ADGRV1: variants seen among roughly 807,000 people sequenced by gnomAD.
ADGRV1 encodes the protein G-protein coupled receptor 98.
ADGRV1 carries 359 observed loss-of-function variants against 596.2 expected under a neutral mutation model. The observed-to-expected ratio is 0.60, with a 90% CI of 0.55 to 0.66. The LOEUF is 0.66. ADGRV1 is among the 30% of genes least tolerant of loss of function. The pLI is 0.00. For synonymous variants in ADGRV1, 2,681 were observed against 2,679.2 expected, an observed-to-expected ratio of 1.00 and a Z score of -0.02; for missense variants, 7,274 against 7,575.6, an observed-to-expected ratio of 0.96 and a Z score of 1.48.
intron 53 of ADGRV1, 77 bp downstream of exon 53, chr5:90,750,774 A>G (rs1172933918): frequency 9.0e-7 from 1 of 1,113,622 alleles, no homozygotes; most frequent in African/African-American, 1.5e-5. Flanking sequence ...ATCCTGCCTT[A>G]TGGATGAAGT....
chr5:91,069,377 T>C (rs1354902837), intron 85 of ADGRV1, among the ~76,000 whole-genome samples: 1 of 152,088 alleles, frequency 6.6e-6, no homozygotes, highest in East Asian at 1.9e-4. Context: ...AGGTCTAATA[T>C]CCAGAATGTA....
At chr5:90,655,206 C>T (rs1769228988) in intron 20 of ADGRV1, 2 of 152,286 alleles carry the variant, frequency 1.3e-5, no homozygotes, top group South Asian at 2.1e-4. Context: ...CAGTTGCTAA[C>T]TCACCACCCT....
chr5:91,006,772 A>G (rs1386949580), intron 85 of ADGRV1, among the ~76,000 whole-genome samples: 1 of 147,108 alleles, frequency 6.8e-6, no homozygotes, highest in African/African-American at 2.6e-5. Flanking sequence ...AAAAAGAGAA[A>G]TACGGGTATG....
At chr5:91,163,269 A>T (rs954290092) in intron 89 of ADGRV1, among the ~76,000 whole-genome samples, 2 of 152,190 alleles carry the variant, frequency 1.3e-5, no homozygotes, top group Non-Finnish European at 2.9e-5. Context: ...GATCTGAATC[A>T]TTCAAAGCCA....
At chr5:91,032,914 G>A (rs1784592677) in intron 85 of ADGRV1, among the ~76,000 whole-genome samples, 1 of 152,042 alleles carries the variant, frequency 6.6e-6, no homozygotes, top group Admixed American at 6.6e-5. Flanking sequence ...TTCTGCTGTG[G>A]CATTTCCTGG....
intron 84 of ADGRV1, among the ~76,000 whole-genome samples, chr5:90,983,367 A>C (rs1304731397): frequency 6.6e-6 from 1 of 152,174 alleles, no homozygotes; most frequent in African/African-American, 2.4e-5. Context: ...AAAAGCAGAC[A>C]TTTTGAAAAT....
In ADGRV1 at chr5:91,150,054, T is replaced by A. The variant is rs1398863208; in HGVS notation, c.18457T>A (p.Phe6153Ile). The change falls in exon 88 of 90, where the codon TTC (phenylalanine) becomes ATC (isoleucine). Residue 6153 changes from phenylalanine to isoleucine, a missense_variant. This residue lies in a region of ADGRV1 where 1,874 missense variants were observed against 1,970.2 expected (regional missense o/e 0.95). Coordinates refer to ENST00000405460, the MANE Select transcript of ADGRV1 (RefSeq NM_032119.4). The stretch of plus-strand genomic sequence containing the variant: ...GGGACTTTATGTTTTCATGGTTTAT[T>A]TCATTTTACACAACCAAATGTGTTG... ...LQGLYVFMVY[F>I]ILHNQMCCPM... The A allele has an allele frequency of 6.5e-7, 1 of 1,547,104 alleles. No homozygotes were observed.
intron 76 of ADGRV1, among the ~76,000 whole-genome samples, chr5:90,825,313 T>G (rs1396231439): frequency 1.3e-5 from 2 of 152,302 alleles, no homozygotes; most frequent in East Asian, 3.9e-4. Flanking sequence ...AACCTCTAGT[T>G]GGAGTCGTTG....
intron 85 of ADGRV1, among the ~76,000 whole-genome samples, chr5:91,033,598 A>G (rs1319525624): frequency 6.6e-6 from 1 of 152,094 alleles, no homozygotes; most frequent in African/African-American, 2.4e-5. Context: ...CAGTCCTGGC[A>G]ATGTGCAAAC....
At chr5:91,048,648 T>C (rs192507810) in intron 85 of ADGRV1, among the ~76,000 whole-genome samples, 48 of 152,292 alleles carry the variant, frequency 3.2e-4, no homozygotes, top group African/African-American at 1.1e-3. Flanking sequence ...AAACTTTCTT[T>C]CTCTCTTTCT....
intron 4 of ADGRV1, among the ~76,000 whole-genome samples, chr5:90,620,377 T>C (rs1189219379): frequency 2.6e-5 from 4 of 152,228 alleles, no homozygotes; most frequent in Non-Finnish European, 2.9e-5. Context: ...CTTCATGTGT[T>C]TTTTGGCTGC....
At chr5:90,602,315 A>G (rs1281392704) in intron 1 of ADGRV1, among the ~76,000 whole-genome samples, 1 of 152,242 alleles carries the variant, frequency 6.6e-6, no homozygotes, top group African/African-American at 2.4e-5. Flanking sequence ...GAGGGGTGCT[A>G]TACATAATGA....
chr5:90,592,862 G>T (rs1353252832), intron 1 of ADGRV1, among the ~76,000 whole-genome samples: 3 of 152,166 alleles, frequency 2.0e-5, no homozygotes, highest in African/African-American at 7.2e-5. Flanking sequence ...CATCATCACT[G>T]GTCATCAGAG....
intron 59 of ADGRV1, among the ~76,000 whole-genome samples, chr5:90,768,745 G>A (rs1261681854): frequency 6.6e-6 from 1 of 152,122 alleles, no homozygotes; most frequent in African/African-American, 2.4e-5. Context: ...CAACTCTCCG[G>A]AACTGATGAA....
Position 91,017,348 on chromosome 5 carries a change from C to CAAA in ADGRV1, c.18152+31834_18152+31836dup, listed in dbSNP as rs373459047. On this transcript the variant is annotated intron_variant, in intron 85 of 89. Transcript: ENST00000405460. The stretch of plus-strand genomic sequence containing the variant: ...CAAAATGAAAGTATAAAATAAGCAC[C>CAAA]AAAAAAAAAATGATAAATTTTCCAT... 4.7e-3 allele frequency among the ~76,000 whole-genome samples: 686 copies of CAAA among 147,388 alleles called. 4 individuals are homozygous for CAAA. The highest frequency in any genetic ancestry group is 0.015 in the African/African-American group (623 of 40,340).
chr5:90,792,345 C>A (rs1460058093), intron 70 of ADGRV1: 3 of 152,134 alleles, frequency 2.0e-5, no homozygotes, highest in African/African-American at 7.2e-5. Context: ...AGAAAATAGG[C>A]TATCATTTCC....
intron 85 of ADGRV1, among the ~76,000 whole-genome samples, chr5:91,046,077 A>G (rs2151291877): frequency 6.6e-6 from 1 of 152,340 alleles, no homozygotes. Flanking sequence ...AATGTTGTGA[A>G]AATGACCATA....
intron 50 of ADGRV1, among the ~76,000 whole-genome samples, chr5:90,739,875 G>A (rs1753735999): frequency 1.3e-5 from 2 of 152,186 alleles, no homozygotes; most frequent in African/African-American, 2.4e-5. Flanking sequence ...CAGCACTGAG[G>A]TTTGGTTTAG....
At chr5:90,679,006 T>G (rs1744599295) in intron 25 of ADGRV1, among the ~76,000 whole-genome samples, 1 of 152,086 alleles carries the variant, frequency 6.6e-6, no homozygotes, top group African/African-American at 2.4e-5. Flanking sequence ...AGCAGAATTG[T>G]TAGGTGACTT....
Sources: gnomAD v4.1 joint callset for allele counts (sites outside exome capture counted in the v4.1 genomes callset) on GRCh38, gnomAD v4.1.1 for gene constraint, gnomAD v4.1.1 regional missense constraint, MANE v1.5 for transcripts, NCBI Gene and HGNC (gene_info 2026-07-23, HGNC 2026-07-21) for gene names.